Variants in SORCS1 observed in about 807,000 individuals in gnomAD.
SORCS1 encodes VPS10 domain-containing receptor SorCS1.
Under a neutral mutation model 146.1 loss-of-function variants are expected in SORCS1, and 60 were observed. The observed-to-expected ratio is 0.41, with a 90% confidence interval of 0.33 to 0.51. The LOEUF is 0.51. Among genes scored for constraint, SORCS1 ranks in the 20% least tolerant of loss-of-function variants. The pLI is 0.21. For synonymous variants in SORCS1, 637 were observed against 584.0 expected (o/e 1.09, Z -1.31); for missense variants, 1,352 against 1,487.6 (o/e 0.91, Z 1.50).
intron 2 of SORCS1, among the ~76,000 whole-genome samples, chr10:106,919,020 T>C (rs1347203357): frequency 6.6e-6 from 1 of 152,046 alleles, no homozygotes; most frequent in African/African-American, 2.4e-5. Context: ...TATTTTTCTG[T>C]AGAGATGGAG....
chr10:107,006,315 G>T (rs910106403), intron 1 of SORCS1, among the ~76,000 whole-genome samples: 2 of 143,818 alleles, frequency 1.4e-5, no homozygotes, highest in Non-Finnish European at 2.9e-5. Flanking sequence ...AAAAGCAGCT[G>T]TTCAATGAAA....
chr10:107,039,423 G>A (rs1346343476), intron 1 of SORCS1, among the ~76,000 whole-genome samples: 1 of 151,358 alleles, frequency 6.6e-6, no homozygotes, highest in Non-Finnish European at 1.5e-5. Flanking sequence ...CCTCTTGTCT[G>A]TCCTGTAGAA....
At chr10:106,997,862 C>T (rs765966740) in intron 1 of SORCS1, among the ~76,000 whole-genome samples, 17 of 152,302 alleles carry the variant, frequency 1.1e-4, no homozygotes, top group Non-Finnish European at 2.4e-4. Flanking sequence ...TTCTCCACCA[C>T]CTCCCAGTAA....
chr10:106,622,065 G>T (rs1245205229), intron 19 of SORCS1, among the ~76,000 whole-genome samples: 2 of 152,126 alleles, frequency 1.3e-5, no homozygotes, highest in Non-Finnish European at 2.9e-5. Flanking sequence ...GCCGAGTTGG[G>T]TGGATCATGA....
rs541109841 is a variant in SORCS1, at chr10:106,688,191, C to G, written c.1560+1G>C. ...CATTCTGCTTCAATAGGAAGACTCA[C>G]CAGCAAGCAGTGCACGGGGTCCCCC... On this transcript the variant is annotated splice_donor_variant, in intron 10 of 25. Coordinates refer to ENST00000263054, the MANE Select transcript of SORCS1 (RefSeq NM_052918.5). LOFTEE classifies it high-confidence loss of function. 6.2e-7 allele frequency: 1 copy of G among 1,612,220 alleles called. No individual in the cohort carries two copies. Among genetic ancestry groups the G allele is most frequent in the African/African-American group, 1.3e-5 (1 of 74,944 alleles).
At position 107,010,680 on chromosome 10, in the gene SORCS1, G is replaced by A. The variant is rs562844980; in HGVS notation, c.559-54100C>T. ...AGCTGATTGAACAACTGAGCTAACC[G>A]TGGGGCCTGTGGGTCATTTTGAGAG... On this transcript the variant is annotated intron_variant, in intron 1 of 25. Coordinates refer to ENST00000263054, the MANE Select transcript of SORCS1 (RefSeq NM_052918.5). Among the ~76,000 whole-genome samples the A allele has an allele frequency of 2.0e-4, 24 of 119,276 alleles. No individual in the cohort carries two copies. In the South Asian group the frequency reaches 3.1e-3, roughly 15 times the overall value. The allele number at this position is 119,276 out of a possible 152,430, so 78.2% of individuals were successfully genotyped here. A position where few individuals can be genotyped will look rare whatever the true frequency, so the allele number is the denominator to read the frequency against.
At position 106,891,504 on chromosome 10, in the gene SORCS1, C is replaced by CTTTTTTTTTTTTTT. The variant is rs760812204; in HGVS notation, c.627-61832_627-61831insAAAAAAAAAAAAAA. ...GTAATCAGAAGTTTCAATGGGAATTCTTTTTTTTTTTTTGAGAAAAGACCT... is the reference window on the plus strand; with the variant it reads ...GTAATCAGAAGTTTCAATGGGAATTCTTTTTTTTTTTTTTTTTTTTTTTTTTTGAGAAAAGACCT... On this transcript the variant is annotated intron_variant, in intron 2 of 25. Coordinates refer to ENST00000263054, the MANE Select transcript of SORCS1 (RefSeq NM_052918.5). Among the ~76,000 whole-genome samples, 116 of 97,196 alleles carry CTTTTTTTTTTTTTT rather than the reference C, an allele frequency of 1.2e-3. 11 individuals carry two copies. The highest frequency in any genetic ancestry group is 3.2e-3 in the African/African-American group (90 of 27,956). The allele number at this position is 97,196 out of a possible 152,430, so 63.8% of individuals were successfully genotyped here.
chr10:106,607,704 A>C lies in SORCS1; in HGVS notation c.3034-407T>G, dbSNP rs140421647. Among the ~76,000 whole-genome samples the C allele has an allele frequency of 2.6e-3, 389 of 152,292 alleles. 2 individuals carry two copies. The highest frequency in any genetic ancestry group is 8.8e-3 in the African/African-American group (364 of 41,560). ...CTCTTTTTGCTAGAGAGCATCTCCAAGGTGGTGACCATGCCAGTGAGAAGA... is the reference window on the plus strand; with the variant it reads ...CTCTTTTTGCTAGAGAGCATCTCCACGGTGGTGACCATGCCAGTGAGAAGA... On this transcript the variant is annotated intron_variant, in intron 22 of 25. Transcript: ENST00000263054.
chr10:106,762,173 C>T (rs531826066), intron 4 of SORCS1, among the ~76,000 whole-genome samples: 1 of 152,218 alleles, frequency 6.6e-6, no homozygotes, highest in African/African-American at 2.4e-5. Flanking sequence ...GGTGAAACAG[C>T]TGGGACCTGA....
chr10:106,907,510 A>G (rs1042345083), intron 2 of SORCS1, among the ~76,000 whole-genome samples: 1 of 152,352 alleles, frequency 6.6e-6, no homozygotes, highest in African/African-American at 2.4e-5. Context: ...TGGATTCTAT[A>G]TTATTTCAAT....
At chr10:107,105,886 G>C in intron 1 of SORCS1, among the ~76,000 whole-genome samples, 1 of 152,182 alleles carries the variant, frequency 6.6e-6, no homozygotes, top group East Asian at 1.9e-4. Flanking sequence ...AAAAGTTCTT[G>C]TGGTAGGTCT....
chr10:106,997,188 C>A (rs945267482), intron 1 of SORCS1, among the ~76,000 whole-genome samples: 5 of 152,072 alleles, frequency 3.3e-5, no homozygotes, highest in African/African-American at 1.2e-4. Context: ...AAGAACCATC[C>A]ATTACTTACC....
intron 9 of SORCS1, 105 bp downstream of exon 9, chr10:106,699,109 C>T (rs900143351): frequency 5.0e-6 from 5 of 999,158 alleles, no homozygotes; most frequent in Non-Finnish European, 7.1e-6. Context: ...AATGAGGCCA[C>T]ATAAGGAACT....
At chr10:107,055,498 C>T (rs1219914823) in intron 1 of SORCS1, among the ~76,000 whole-genome samples, 3 of 152,170 alleles carry the variant, frequency 2.0e-5, no homozygotes, top group Non-Finnish European at 4.4e-5. Flanking sequence ...AAAGCAAAGC[C>T]AGTCTTGTAT....
At position 107,041,577 on chromosome 10, in the gene SORCS1, T is replaced by C. The variant is rs137881380; in HGVS notation, c.559-84997A>G. ...CCCACATGTGATTTTTAATTTGCAA[T>C]TGAAATACACTCAAACTCCCAGTTT... On this transcript the variant is annotated intron_variant, in intron 1 of 25. Transcript: ENST00000263054. Among the ~76,000 whole-genome samples, 261 of 152,228 alleles carry C rather than the reference T, an allele frequency of 1.7e-3. 2 individuals carry two copies. The highest frequency in any genetic ancestry group is 5.5e-3 in the African/African-American group (227 of 41,554).
intron 2 of SORCS1, among the ~76,000 whole-genome samples, chr10:106,897,471 T>G (rs1314022773): frequency 6.6e-6 from 1 of 152,168 alleles, no homozygotes; most frequent in Non-Finnish European, 1.5e-5. Context: ...AAAAAAGATA[T>G]ACCTTTTCTA....
chr10:106,588,750 A>C (rs1335181627), intron 24 of SORCS1, among the ~76,000 whole-genome samples: 1 of 149,096 alleles, frequency 6.7e-6, no homozygotes, highest in Admixed American at 6.8e-5. Flanking sequence ...GGTTCCAGCT[A>C]CTCCGGAGGC....
intron 1 of SORCS1, among the ~76,000 whole-genome samples, chr10:106,988,519 G>T (rs989330403): frequency 6.6e-6 from 1 of 151,932 alleles, no homozygotes; most frequent in African/African-American, 2.4e-5. Context: ...AAGCTACTGG[G>T]TCAAAAAGTG....
intron 1 of SORCS1, among the ~76,000 whole-genome samples, chr10:107,156,744 T>C (rs1188723422): frequency 6.6e-6 from 1 of 152,202 alleles, no homozygotes; most frequent in Non-Finnish European, 1.5e-5. Context: ...TGGGAAGACG[T>C]AGTGAGACCA....
Sources: allele counts gnomAD v4.1 joint callset (sites outside exome capture counted in the v4.1 genomes callset), GRCh38; gene constraint gnomAD v4.1.1; transcripts MANE v1.5; gene names NCBI Gene and HGNC (gene_info 2026-07-23, HGNC 2026-07-21).